Variants in ADCY2 observed in about 807,000 individuals in gnomAD.
ADCY2 encodes adenylate cyclase type 2.
Under a neutral mutation model 125.2 loss-of-function variants are expected in ADCY2, and 31 were observed. The observed-to-expected ratio is 0.25, with a 90% CI of 0.19 to 0.33. ADCY2 has a LOEUF of 0.33. Among genes scored for constraint, ADCY2 ranks in the 10% least tolerant of loss-of-function variants. The pLI is 1.00. For missense variants in ADCY2, 904 were observed against 1,418.2 expected (o/e 0.64, Z 5.82); for synonymous variants, 512 against 548.4 (o/e 0.93, Z 0.93).
chr5:7,472,078 T>G (rs153699), intron 2 of ADCY2, among the ~76,000 whole-genome samples: 94,954 of 151,944 alleles, frequency 0.62, 29,823 homozygotes, highest in Non-Finnish European at 0.65. Context: ...TGGTTGTATT[T>G]ACGGCTTGAC....
chr5:7,820,463 C>T, intron 23 of ADCY2, 102 bp from the exon 24 acceptor site: 1 of 1,445,866 alleles, frequency 6.9e-7, no homozygotes, highest in Non-Finnish European at 9.3e-7. Flanking sequence ...CACTGCACTC[C>T]AGCCTGGGTG....
chr5:7,466,090 T>G (rs1351120674), intron 2 of ADCY2, among the ~76,000 whole-genome samples: 4 of 152,226 alleles, frequency 2.6e-5, no homozygotes, highest in African/African-American at 4.8e-5. Context: ...CCAGTAATGA[T>G]TAAAACATTT....
chr5:7,576,781 C>G (rs1166981974), intron 3 of ADCY2, among the ~76,000 whole-genome samples: 1 of 152,266 alleles, frequency 6.6e-6, no homozygotes, highest in Non-Finnish European at 1.5e-5. Context: ...CCCTTCCCCA[C>G]CAACACCACT....
intron 3 of ADCY2, chr5:7,522,278 A>T (rs1744471877): frequency 1.3e-5 from 2 of 152,238 alleles, no homozygotes; most frequent in African/African-American, 4.8e-5. Context: ...TGTACATTAC[A>T]TCCCCAGCAC....
chr5:7,501,646 TCCCC>T (rs60705318), intron 2 of ADCY2, among the ~76,000 whole-genome samples: 2 of 40,526 alleles, frequency 4.9e-5, no homozygotes, highest in Non-Finnish European at 8.6e-5. Context: ...GATTCCCCCC[TCCCC>T]CCCCCCCCGC....
chr5:7,795,158 C>A (rs1028888892), intron 20 of ADCY2: 1 of 152,234 alleles, frequency 6.6e-6, no homozygotes, highest in South Asian at 2.1e-4. Flanking sequence ...CCAGCCCTGG[C>A]ACCTCTTGGC....
intron 1 of ADCY2, among the ~76,000 whole-genome samples, chr5:7,405,381 T>C (rs2126306590): frequency 6.6e-6 from 1 of 152,120 alleles, no homozygotes; most frequent in Admixed American, 6.5e-5. Context: ...AGTTGATCTC[T>C]GCTGGTCTGT....
In ADCY2 at chr5:7,681,685, G is replaced by T. The variant is rs535403421; in HGVS notation, c.721-9006G>T. Among the ~76,000 whole-genome samples the T allele has an allele frequency of 2.6e-5, 4 of 152,266 alleles. No individual in the cohort carries two copies. In the East Asian group the frequency reaches 7.7e-4, roughly 29 times the overall value. Reference sequence around the variant, plus strand: ...CAGCCTGGATTGGGCTTGGCTTGGTGGGGAGAGATTGGGAGTTTGCCGACA... The same window carrying T: ...CAGCCTGGATTGGGCTTGGCTTGGTTGGGAGAGATTGGGAGTTTGCCGACA... On this transcript the variant is annotated intron_variant, in intron 4 of 24. Transcript: ENST00000338316.
chr5:7,817,314 C>T (rs1745148525), intron 23 of ADCY2, among the ~76,000 whole-genome samples: 2 of 152,078 alleles, frequency 1.3e-5, no homozygotes, highest in Non-Finnish European at 2.9e-5. Flanking sequence ...AAACTGGGAC[C>T]TGCCACTAAC....
chr5:7,602,961 C>G (rs1288938397), intron 3 of ADCY2, among the ~76,000 whole-genome samples: 1 of 152,132 alleles, frequency 6.6e-6, no homozygotes, highest in Non-Finnish European at 1.5e-5. Flanking sequence ...TGGCTTTGGT[C>G]TGGCCAATTA....
At chr5:7,817,823 C>CAAAAAAAA (rs57731885) in intron 23 of ADCY2, among the ~76,000 whole-genome samples, 7 of 78,300 alleles carry the variant, frequency 8.9e-5, no homozygotes, top group Non-Finnish European at 1.8e-4. Context: ...ACGCTGTCAC[C>CAAAAAAAA]AAAAAAAAAA....
At chr5:7,785,367 G>T (rs142649442) in intron 19 of ADCY2, among the ~76,000 whole-genome samples, 15 of 152,308 alleles carry the variant, frequency 9.8e-5, no homozygotes, top group African/African-American at 3.6e-4. Context: ...AGCTTCCCAA[G>T]CAGTGTGAGC....
intron 12 of ADCY2, among the ~76,000 whole-genome samples, chr5:7,722,825 T>C (rs1025970949): frequency 2.0e-5 from 3 of 151,872 alleles, no homozygotes; most frequent in African/African-American, 7.3e-5. Context: ...CCGGGCATGC[T>C]GGTGTGCACC....
chr5:7,654,897 G>GA (rs1214324193), intron 4 of ADCY2, among the ~76,000 whole-genome samples: 2 of 152,170 alleles, frequency 1.3e-5, no homozygotes, highest in Non-Finnish European at 2.9e-5. Context: ...CTGTTTAGGG[G>GA]AAAAAATGCA....
intron 22 of ADCY2, 48 bp downstream of exon 22, chr5:7,804,740 C>T (rs772160447): frequency 1.4e-6 from 2 of 1,415,152 alleles, no homozygotes; most frequent in Non-Finnish European, 2.0e-6. Flanking sequence ...TCAACCCCAT[C>T]CACAAACCAC....
At chr5:7,695,673 A>G in intron 5 of ADCY2, 79 bp from the exon 6 acceptor site, 1 of 822,502 alleles carries the variant, frequency 1.2e-6, no homozygotes. Flanking sequence ...ACATGATTTT[A>G]ATGGAAAAAT....
intron 4 of ADCY2, among the ~76,000 whole-genome samples, chr5:7,632,109 T>C (rs1738332900): frequency 6.6e-6 from 1 of 152,144 alleles, no homozygotes; most frequent in Admixed American, 6.5e-5. Flanking sequence ...TGCTGAAGAA[T>C]TAAAGCAGCA....
intron 3 of ADCY2, among the ~76,000 whole-genome samples, chr5:7,595,378 A>G (rs1736974616): frequency 6.6e-6 from 1 of 152,154 alleles, no homozygotes; most frequent in South Asian, 2.1e-4. Context: ...TTGTTGTGTT[A>G]ATGTTTAAGC....
intron 2 of ADCY2, among the ~76,000 whole-genome samples, chr5:7,423,257 G>A (rs1740276510): frequency 6.6e-6 from 1 of 152,150 alleles, no homozygotes; most frequent in African/African-American, 2.4e-5. Flanking sequence ...CATGTTTCTG[G>A]CTCTTTGGAG....
Sources: gnomAD v4.1 joint callset for allele counts (sites outside exome capture counted in the v4.1 genomes callset) on GRCh38, gnomAD v4.1.1 for gene constraint, MANE v1.5 for transcripts, NCBI Gene and HGNC (gene_info 2026-07-23, HGNC 2026-07-21) for gene names.